The following MAGI1 variants were observed in gnomAD, a reference collection of about 807,000 sequenced individuals.
MAGI1 encodes the protein membrane-associated guanylate kinase, WW and PDZ domain-containing protein 1.
Under a neutral mutation model 139.9 loss-of-function variants are expected in MAGI1, and 58 were observed. That is an observed-to-expected ratio of 0.41 (90% CI 0.34 to 0.52). The LOEUF is 0.52. Among genes scored for constraint, MAGI1 ranks in the 20% least tolerant of loss-of-function variants. The pLI is 0.12. For missense variants in MAGI1, 1,874 were observed against 1,901.6 expected (o/e 0.99, Z 0.27); for synonymous variants, 812 against 737.9 (o/e 1.10, Z -1.63).
chr3:65,718,246 A>C (rs1241238134), intron 1 of MAGI1, among the ~76,000 whole-genome samples: 1 of 152,180 alleles, frequency 6.6e-6, no homozygotes. Flanking sequence ...TAACAGCAGA[A>C]GCAAGTTACC....
chr3:65,887,888 G>C (rs2060594173), intron 1 of MAGI1, among the ~76,000 whole-genome samples: 1 of 152,074 alleles, frequency 6.6e-6, no homozygotes, highest in African/African-American at 2.4e-5. Flanking sequence ...TATCCTAAAT[G>C]ATCATGCACA....
intron 2 of MAGI1, among the ~76,000 whole-genome samples, chr3:65,509,707 G>A (rs1291430863): frequency 6.6e-6 from 1 of 152,100 alleles, no homozygotes; most frequent in African/African-American, 2.4e-5. Context: ...CAAACTGCAA[G>A]GCGGCAACGA....
At chr3:65,895,478 C>T (rs1471945990) in intron 1 of MAGI1, among the ~76,000 whole-genome samples, 1 of 152,202 alleles carries the variant, frequency 6.6e-6, no homozygotes, top group African/African-American at 2.4e-5. Context: ...AAAAGTACTA[C>T]AATTCATTCG....
intron 1 of MAGI1, among the ~76,000 whole-genome samples, chr3:65,811,699 A>G (rs1252312924): frequency 1.3e-5 from 2 of 152,108 alleles, no homozygotes; most frequent in African/African-American, 4.8e-5. Flanking sequence ...CAAACAAAAA[A>G]AAAAACAAGA....
At chr3:65,521,337 T>C (rs1194993414) in intron 2 of MAGI1, among the ~76,000 whole-genome samples, 3 of 152,166 alleles carry the variant, frequency 2.0e-5, no homozygotes, top group Admixed American at 6.5e-5. Flanking sequence ...CCTCCTAGCA[T>C]ATATCTCTAT....
intron 1 of MAGI1, chr3:65,687,905 C>A: frequency 1.5e-6 from 1 of 660,812 alleles, no homozygotes; most frequent in Non-Finnish European, 2.9e-6. Flanking sequence ...TGCAGGGTGC[C>A]TTAGCAGCCA....
chr3:65,677,225 T>C (rs1056714761), intron 1 of MAGI1, among the ~76,000 whole-genome samples: 1 of 152,040 alleles, frequency 6.6e-6, no homozygotes, highest in Admixed American at 6.5e-5. Flanking sequence ...TTTCATTTTC[T>C]ATTTTTAAAC....
intron 3 of MAGI1, among the ~76,000 whole-genome samples, chr3:65,493,252 AAAAAC>A (rs1952187845): frequency 6.6e-6 from 1 of 152,188 alleles, no homozygotes; most frequent in African/African-American, 2.4e-5. Flanking sequence ...TGTCCGTATT[AAAAAC>A]AAAACACACC....
intron 3 of MAGI1, among the ~76,000 whole-genome samples, chr3:65,480,744 C>A (rs1951230470): frequency 6.6e-6 from 1 of 151,792 alleles, no homozygotes; most frequent in Non-Finnish European, 1.5e-5. Context: ...CACCACCACG[C>A]CTGGCTAACT....
intron 1 of MAGI1, among the ~76,000 whole-genome samples, chr3:65,754,143 G>A (rs1205222912): frequency 6.6e-6 from 1 of 152,040 alleles, no homozygotes; most frequent in Admixed American, 6.6e-5. Flanking sequence ...CTAAAATATA[G>A]TGACTTTTTA....
chr3:65,380,314 T>G (rs926783881), intron 16 of MAGI1, among the ~76,000 whole-genome samples: 1 of 152,254 alleles, frequency 6.6e-6, no homozygotes, highest in South Asian at 2.1e-4. Context: ...TGTATTTATT[T>G]CCAAAAGCTT....
At chr3:65,986,133 T>C (rs1029852820) in intron 1 of MAGI1, among the ~76,000 whole-genome samples, 1 of 152,206 alleles carries the variant, frequency 6.6e-6, no homozygotes, top group Non-Finnish European at 1.5e-5. Context: ...TTGATCATGG[T>C]GCCTCTTCTC....
At chr3:65,776,247 CTTT>C (rs5849693) in intron 1 of MAGI1, among the ~76,000 whole-genome samples, 5 of 141,548 alleles carry the variant, frequency 3.5e-5, no homozygotes, top group African/African-American at 1.0e-4. Context: ...AGTTGGGTTT[CTTT>C]TTTTTTTTTT....
chr3:65,966,319 C>T (rs1371732278), intron 1 of MAGI1, among the ~76,000 whole-genome samples: 1 of 152,176 alleles, frequency 6.6e-6, no homozygotes, highest in Non-Finnish European at 1.5e-5. Context: ...CTACAAAAAA[C>T]AGCAAGGTGT....
intron 1 of MAGI1, chr3:65,954,441 T>A (rs1482290051): frequency 6.6e-6 from 1 of 152,576 alleles, no homozygotes; most frequent in African/African-American, 2.4e-5. Flanking sequence ...ATTTTTTACC[T>A]GGGTAGAGCC....
At chr3:65,793,626 A>T (rs1188055022) in intron 1 of MAGI1, among the ~76,000 whole-genome samples, 1 of 152,232 alleles carries the variant, frequency 6.6e-6, no homozygotes, top group Non-Finnish European at 1.5e-5. Flanking sequence ...TAAGAATCTG[A>T]GTTGAGATAC....
intron 2 of MAGI1, chr3:65,549,291 CTCCCTCTTTCCGTCT>C (rs757490112): frequency 6.5e-5 from 29 of 442,998 alleles, no homozygotes; most frequent in Non-Finnish European, 8.7e-5. Flanking sequence ...CTTCCCTTTC[CTCCCTCTTTCCGTCT>C]TCCCTCTTCC....
At chr3:65,361,137 C>T (rs1940814727) in intron 22 of MAGI1, 62 bp downstream of exon 22, 2 of 1,613,710 alleles carry the variant, frequency 1.2e-6, no homozygotes, top group South Asian at 1.1e-5. Context: ...TGCTGCCGTT[C>T]TGGAGACAAA....
intron 10 of MAGI1, among the ~76,000 whole-genome samples, chr3:65,434,489 T>G (rs1947692990): frequency 6.6e-6 from 1 of 152,142 alleles, no homozygotes; most frequent in South Asian, 2.1e-4. Context: ...AGTACACTCT[T>G]GATCAGGGGA....
Sources: gnomAD v4.1 joint callset for allele counts (sites outside exome capture counted in the v4.1 genomes callset) on GRCh38, gnomAD v4.1.1 for gene constraint, MANE v1.5 for transcripts, NCBI Gene and HGNC (gene_info 2026-07-23, HGNC 2026-07-21) for gene names.